The following FHIT variants were observed in gnomAD, a reference collection of about 807,000 sequenced individuals.
FHIT encodes bis(5'-adenosyl)-triphosphatase.
FHIT carries 19 observed loss-of-function variants against 17.9 expected under a neutral mutation model. The observed-to-expected ratio is 1.06, with a 90% CI of 0.74 to 1.56. The LOEUF (loss-of-function observed/expected upper bound fraction) is 1.56. FHIT is among the 40% of genes most tolerant of loss of function. FHIT has a pLI of 0.00. For missense variants in FHIT, 248 were observed against 189.2 expected (o/e 1.31, Z -1.82); for synonymous variants, 81 against 69.7 (o/e 1.16, Z -0.81).
At chr3:60,069,541 T>G (rs1305006130) in intron 5 of FHIT, among the ~76,000 whole-genome samples, 1 of 152,196 alleles carries the variant, frequency 6.6e-6, no homozygotes, top group Non-Finnish European at 1.5e-5. Context: ...GTATAGCGCT[T>G]TTGTCCAAGA....
In FHIT at chr3:61,007,155, C is replaced by T. The variant is rs550851021; in HGVS notation, c.-111+34892G>A. On this transcript the variant is annotated intron_variant, in intron 3 of 9. Transcript: ENST00000492590. ...AATGTTGTTGTTTTGTATTTTATTG[C>T]TTTGCTTCTTCTTTAGTAATCATCT... 1.2e-4 allele frequency among the ~76,000 whole-genome samples: 18 copies of T among 152,266 alleles called. No individual in the cohort carries two copies. In the South Asian group the frequency reaches 3.7e-3, roughly 32 times the overall value.
intron 3 of FHIT, among the ~76,000 whole-genome samples, chr3:61,008,302 T>C (rs1434081401): frequency 1.3e-5 from 2 of 152,166 alleles, no homozygotes; most frequent in South Asian, 2.1e-4. Context: ...TATGTAATTG[T>C]GTGAAAAGAA....
At chr3:60,284,215 T>A (rs1252992032) in intron 5 of FHIT, among the ~76,000 whole-genome samples, 2 of 152,114 alleles carry the variant, frequency 1.3e-5, no homozygotes, top group Non-Finnish European at 2.9e-5. Context: ...AAACACTTAT[T>A]TCTCGAAAAT....
chr3:60,426,013 A>G (rs1702650007), intron 5 of FHIT, among the ~76,000 whole-genome samples: 1 of 152,168 alleles, frequency 6.6e-6, no homozygotes, highest in African/African-American at 2.4e-5. Context: ...GGGGTGTCAC[A>G]AGGCCTCACA....
intron 8 of FHIT, among the ~76,000 whole-genome samples, chr3:59,897,770 TTC>T (rs1288397025): frequency 6.3e-4 from 89 of 141,496 alleles, no homozygotes; most frequent in African/African-American, 2.6e-3. Context: ...AACTTTTTTT[TTC>T]TTTTTTTTTT....
At chr3:61,219,780 TC>T (rs1432367971) in intron 1 of FHIT, among the ~76,000 whole-genome samples, 2 of 152,172 alleles carry the variant, frequency 1.3e-5, no homozygotes, top group Admixed American at 1.3e-4. Flanking sequence ...AGGATAGCCC[TC>T]CAAAAAATCT....
At chr3:61,072,227 T>C (rs181405900) in intron 2 of FHIT, among the ~76,000 whole-genome samples, 28 of 152,300 alleles carry the variant, frequency 1.8e-4, no homozygotes, top group African/African-American at 6.3e-4. Flanking sequence ...TCCTTTCTAA[T>C]AGGATCTGAC....
At chr3:59,976,078 T>G (rs1459660419) in intron 7 of FHIT, among the ~76,000 whole-genome samples, 1 of 152,046 alleles carries the variant, frequency 6.6e-6, no homozygotes, top group Non-Finnish European at 1.5e-5. Flanking sequence ...ATTTCTTCAT[T>G]TGCAAAATGA....
intron 4 of FHIT, among the ~76,000 whole-genome samples, chr3:60,721,655 A>C (rs1489876474): frequency 1.3e-5 from 2 of 152,150 alleles, no homozygotes; most frequent in East Asian, 1.9e-4. Context: ...CATGAATATA[A>C]ATTTTTCTTG....
chr3:60,134,343 G>A (rs2107277152), intron 5 of FHIT, among the ~76,000 whole-genome samples: 1 of 152,232 alleles, frequency 6.6e-6, no homozygotes, highest in South Asian at 2.1e-4. Context: ...ATAATCCAAT[G>A]GGGCAGGTTT....
intron 5 of FHIT, among the ~76,000 whole-genome samples, chr3:60,143,730 A>ACG (rs1700127696): frequency 6.6e-6 from 1 of 152,018 alleles, no homozygotes; most frequent in Non-Finnish European, 1.5e-5. Context: ...ACCTATCTTC[A>ACG]TAACTTTGAT....
chr3:61,235,472 T>C (rs1399216596), intron 1 of FHIT, among the ~76,000 whole-genome samples: 2 of 152,190 alleles, frequency 1.3e-5, no homozygotes, highest in East Asian at 1.9e-4. Flanking sequence ...TCAATTTTTA[T>C]GTGCAGATAG....
chr3:60,077,868 T>C (rs962454361), intron 5 of FHIT, among the ~76,000 whole-genome samples: 2 of 152,026 alleles, frequency 1.3e-5, no homozygotes, highest in African/African-American at 4.8e-5. Context: ...AGCTGCTCTC[T>C]TCACAAAAAA....
chr3:60,532,635 C>T (rs1302405227), intron 5 of FHIT, among the ~76,000 whole-genome samples: 5 of 152,130 alleles, frequency 3.3e-5, no homozygotes, highest in African/African-American at 9.7e-5. Context: ...CTAAGCGTTG[C>T]ACCACAGAAG....
rs140803180 is a variant in FHIT, at chr3:59,967,166, T to C, written c.279+44205A>G. On this transcript the variant is annotated intron_variant, in intron 7 of 9. Coordinates refer to ENST00000492590, the MANE Select transcript of FHIT (RefSeq NM_002012.4). ...GAAAGGCCTTCAGGGGCACTCACCA[T>C]GGAGCCGTCTTCTCCTATGATAACA... Among the ~76,000 whole-genome samples the C allele has an allele frequency of 3.4e-3, 521 of 152,268 alleles. 5 individuals carry two copies. The highest frequency in any genetic ancestry group is 0.012 in the African/African-American group (492 of 41,560).
At chr3:59,953,105 G>A (rs1707205017) in intron 7 of FHIT, among the ~76,000 whole-genome samples, 1 of 151,980 alleles carries the variant, frequency 6.6e-6, no homozygotes, top group Admixed American at 6.6e-5. Flanking sequence ...ACGTATCTGT[G>A]TGTACCTGGC....
intron 4 of FHIT, among the ~76,000 whole-genome samples, chr3:60,724,852 T>C (rs1390594711): frequency 6.6e-6 from 1 of 152,118 alleles, no homozygotes; most frequent in African/African-American, 2.4e-5. Flanking sequence ...TTTCACCATG[T>C]TGGCCAGGCT....
Position 60,873,124 on chromosome 3 carries a change from G to C in FHIT, c.-110-51113C>G, listed in dbSNP as rs577846522. Among the ~76,000 whole-genome samples, 155 of 145,354 alleles carry C rather than the reference G, an allele frequency of 1.1e-3. 1 individual carries two copies. The highest frequency in any genetic ancestry group is 4.0e-3 in the African/African-American group (152 of 37,790). ...TTTTTGGAGGAGGGGAACAAGGCAG[G>C]GAGAGAGGGAGAGGGAGAGAGAGAG... On this transcript the variant is annotated intron_variant, in intron 3 of 9. Coordinates refer to ENST00000492590, the MANE Select transcript of FHIT (RefSeq NM_002012.4).
chr3:60,242,676 G>T (rs185291725), intron 5 of FHIT, among the ~76,000 whole-genome samples: 1 of 151,894 alleles, frequency 6.6e-6, no homozygotes, highest in Non-Finnish European at 1.5e-5. Flanking sequence ...AGGGATCCCC[G>T]AAATAAAGAC....
Sources: allele counts gnomAD v4.1 joint callset (sites outside exome capture counted in the v4.1 genomes callset), GRCh38; gene constraint gnomAD v4.1.1; transcripts MANE v1.5; gene names NCBI Gene and HGNC (gene_info 2026-07-23, HGNC 2026-07-21).